MSRB3: variants seen among roughly 807,000 people sequenced by gnomAD.
The protein encoded by MSRB3 is methionine-R-sulfoxide reductase B3.
In MSRB3, 13 loss-of-function variants were observed where a neutral mutation model predicts 21.0. The observed-to-expected ratio is 0.62, with a 90% CI of 0.40 to 0.98. The LOEUF (loss-of-function observed/expected upper bound fraction) is 0.98, where lower values mean the gene tolerates loss of function less well. Ranked by LOEUF, MSRB3 falls within the 50% of genes least tolerant of loss-of-function variation. The pLI is 0.00. For missense variants in MSRB3, 199 were observed against 230.3 expected (o/e 0.86, Z 0.88); for synonymous variants, 87 against 88.6 (o/e 0.98, Z 0.10).
At chr12:65,316,130 C>A (rs907340188) in intron 2 of MSRB3, 1 of 152,090 alleles carries the variant, frequency 6.6e-6, no homozygotes, top group Non-Finnish European at 1.5e-5. Flanking sequence ...TTGTTTCTAC[C>A]ACCAACTTGC....
rs1212906468 is a variant in MSRB3, at chr12:65,463,991, G to A, written c.*669G>A. On this transcript the variant is annotated 3_prime_UTR_variant, in exon 7 of 7. Coordinates refer to ENST00000308259, the MANE Select transcript of MSRB3 (RefSeq NM_001031679.3). ...ATTTTATTTTCCATCGAAAGCATTG[G>A]AGGCCCAGTGCAATGGCTCACGCCT... 1 of 152,468 alleles carries A rather than the reference G, an allele frequency of 6.6e-6. No individual in the cohort carries two copies. The highest frequency in any genetic ancestry group is 1.5e-5 in the Non-Finnish European group (1 of 68,278). 9.4% of individuals were successfully genotyped at this position (152,468 alleles called of 1,614,324 possible). A position where few individuals can be genotyped will look rare whatever the true frequency, so the allele number is the denominator to read the frequency against.
rs764157536 is a variant in MSRB3, at chr12:65,301,850, C to T, written c.-51-6679C>T. Among the ~76,000 whole-genome samples the T allele has an allele frequency of 1.4e-3, 207 of 152,120 alleles. 6 individuals carry two copies. The highest frequency in any genetic ancestry group is 9.1e-4 in the Non-Finnish European group (62 of 67,996). On this transcript the variant is annotated intron_variant, in intron 1 of 6. Transcript: ENST00000308259. ...CACGTATGTACTTCAACCAAAACAA[C>T]GTATCACAACACATTGATTGCAGGA...
intron 1 of MSRB3, among the ~76,000 whole-genome samples, chr12:65,295,012 G>A (rs1332513227): frequency 6.6e-6 from 1 of 152,064 alleles, no homozygotes; most frequent in African/African-American, 2.4e-5. Flanking sequence ...AAAAAATTAT[G>A]TGCAGAAGAG....
chr12:65,295,709 C>T (rs995370468), intron 1 of MSRB3, among the ~76,000 whole-genome samples: 3 of 151,996 alleles, frequency 2.0e-5, no homozygotes, highest in Admixed American at 2.0e-4. Flanking sequence ...AATTGGGAGG[C>T]TGTAAAATTC....
chr12:65,463,403 A>AT lies in MSRB3; in HGVS notation c.*87dup, dbSNP rs1369820207. On this transcript the variant is annotated 3_prime_UTR_variant, in exon 7 of 7. Transcript: ENST00000308259. ...TCAAAATTGTTATCTTAATAGATAT[A>AT]TTTTTTCAAAAACTATAAGGGCAGT... 12 of 1,514,182 alleles carry AT rather than the reference A, an allele frequency of 7.9e-6. No homozygotes were observed. The highest frequency in any genetic ancestry group is 1.1e-5 in the Non-Finnish European group (12 of 1,118,798). The allele number at this position is 1,514,182 out of a possible 1,614,324, so 93.8% of individuals were successfully genotyped here. A position where few individuals can be genotyped will look rare whatever the true frequency, so the allele number is the denominator to read the frequency against.
intron 4 of MSRB3, among the ~76,000 whole-genome samples, chr12:65,334,241 C>G (rs745375185): frequency 6.6e-6 from 1 of 152,190 alleles, no homozygotes; most frequent in Non-Finnish European, 1.5e-5. Context: ...ATAGCTAACA[C>G]TTACTACAGC....
chr12:65,321,677 A>G (rs987986916), intron 2 of MSRB3, among the ~76,000 whole-genome samples: 1 of 152,170 alleles, frequency 6.6e-6, no homozygotes, highest in Non-Finnish European at 1.5e-5. Context: ...TAGTTATGGT[A>G]TATATTTTAT....
At chr12:65,420,239 A>G (rs1881216343) in intron 5 of MSRB3, among the ~76,000 whole-genome samples, 1 of 152,048 alleles carries the variant, frequency 6.6e-6, no homozygotes, top group East Asian at 1.9e-4. Context: ...ATTTTATTCC[A>G]TTGGTCTATG....
chr12:65,350,303 G>C (rs1876867802), intron 4 of MSRB3, among the ~76,000 whole-genome samples: 1 of 151,598 alleles, frequency 6.6e-6, no homozygotes, highest in South Asian at 2.1e-4. Context: ...TGCTGTTTTG[G>C]TTACTGTAGC....
At chr12:65,353,796 A>G (rs1306147088) in intron 4 of MSRB3, among the ~76,000 whole-genome samples, 1 of 152,086 alleles carries the variant, frequency 6.6e-6, no homozygotes, top group Admixed American at 6.6e-5. Flanking sequence ...TTTGCTCGTT[A>G]GTTGATGCAG....
At chr12:65,361,377 T>C (rs1877694202) in intron 4 of MSRB3, among the ~76,000 whole-genome samples, 1 of 152,134 alleles carries the variant, frequency 6.6e-6, no homozygotes, top group Non-Finnish European at 1.5e-5. Context: ...TAGCTTGTTC[T>C]GTTTGTCTCT....
rs147766308 is a variant in MSRB3 at position 65,443,225 on chromosome 12, AT to A, written c.293-10502del. On this transcript the variant is annotated intron_variant, in intron 5 of 6. Transcript: ENST00000308259. ...GCTACATTATTAATCTCCAAAGAGA[AT>A]AGATACCAGATGTTCACAGTGCCCA... 2.5e-3 allele frequency among the ~76,000 whole-genome samples: 377 copies of A among 152,224 alleles called. 1 individual carries two copies. Among genetic ancestry groups the A allele is most frequent in the African/African-American group, 8.3e-3 (345 of 41,540 alleles).
At chr12:65,290,528 T>C (rs2136394313) in intron 1 of MSRB3, among the ~76,000 whole-genome samples, 1 of 152,386 alleles carries the variant, frequency 6.6e-6, no homozygotes, top group Non-Finnish European at 1.5e-5. Context: ...TGACACAATG[T>C]AATTTTCCAT....
At chr12:65,430,052 TTTCCTTCCTTCCTTCTTTCTTTG>T (rs1881804141) in intron 5 of MSRB3, among the ~76,000 whole-genome samples, 2 of 152,150 alleles carry the variant, frequency 1.3e-5, no homozygotes, top group African/African-American at 2.4e-5. Context: ...AATTGCCTGC[TTTCCTTCCTTCCTTCTTTCTTTG>T]TTCCTTCCTT....
intron 1 of MSRB3, among the ~76,000 whole-genome samples, chr12:65,293,624 C>A (rs1872782661): frequency 6.6e-6 from 1 of 152,200 alleles, no homozygotes; most frequent in Non-Finnish European, 1.5e-5. Context: ...CTTTCTCATG[C>A]CCCACAAGCT....
At position 65,430,699 on chromosome 12, in the gene MSRB3, T is replaced by G. The variant is rs551754511; in HGVS notation, c.293-23029T>G. Among the ~76,000 whole-genome samples the G allele has an allele frequency of 1.8e-4, 27 of 152,214 alleles. No homozygotes were observed. The South Asian group carries it at 5.0e-3, about 28-fold the overall frequency. On this transcript the variant is annotated intron_variant, in intron 5 of 6. Coordinates refer to ENST00000308259, the MANE Select transcript of MSRB3 (RefSeq NM_001031679.3). ...TTACGTTGGCATCTGTCTTAAGCCT[T>G]TGCCTTCAATTCTTATAGCTTCTTT...
At chr12:65,404,751 T>C (rs192048044) in intron 5 of MSRB3, among the ~76,000 whole-genome samples, 2 of 152,330 alleles carry the variant, frequency 1.3e-5, no homozygotes, top group East Asian at 3.9e-4. Context: ...ATACCACTTC[T>C]TTGTGGTGAG....
chr12:65,333,212 C>T (rs1222717020), intron 4 of MSRB3, among the ~76,000 whole-genome samples: 1 of 152,004 alleles, frequency 6.6e-6, no homozygotes, highest in Non-Finnish European at 1.5e-5. Flanking sequence ...ATATTTTTTT[C>T]CTCAACGTAC....
At chr12:65,412,907 G>A (rs572769840) in intron 5 of MSRB3, among the ~76,000 whole-genome samples, 12 of 152,230 alleles carry the variant, frequency 7.9e-5, no homozygotes, top group Non-Finnish European at 1.6e-4. Flanking sequence ...GAGTGAGGGG[G>A]GAAGAGCACT....
Sources: allele counts gnomAD v4.1 joint callset (sites outside exome capture counted in the v4.1 genomes callset), GRCh38; gene constraint gnomAD v4.1.1; transcripts MANE v1.5; gene names NCBI Gene and HGNC (gene_info 2026-07-23, HGNC 2026-07-21).